The following MACC1 variants were observed in gnomAD, a reference collection of about 807,000 sequenced individuals.
The protein encoded by MACC1 is metastasis-associated in colon cancer protein 1.
Under a neutral mutation model 70.7 loss-of-function variants are expected in MACC1, and 79 were observed. The ratio of observed to expected loss-of-function variants is 1.12; its 90% CI spans 0.93 to 1.35. MACC1 has a LOEUF of 1.35. MACC1 is among the 40% of genes most tolerant of loss of function. MACC1 has a pLI of 0.00. For synonymous variants in MACC1, 361 were observed against 347.2 expected (o/e 1.04, Z -0.44); for missense variants, 1,106 against 978.1 (o/e 1.13, Z -1.74).
intron 1 of MACC1, among the ~76,000 whole-genome samples, chr7:20,209,139 G>A (rs1020224975): frequency 1.3e-5 from 2 of 152,232 alleles, no homozygotes; most frequent in Non-Finnish European, 2.9e-5. Flanking sequence ...TACTAGGGCA[G>A]GGAAGAAGGG....
chr7:20,139,180 A>G lies in MACC1; in HGVS notation c.*1766T>C, dbSNP rs1370432229. 1.3e-5 allele frequency: 2 copies of G among 152,156 alleles called. No individual in the cohort carries two copies. The highest frequency in any genetic ancestry group is 4.8e-5 in the African/African-American group (2 of 41,434). 9.4% of individuals were successfully genotyped at this position (152,156 alleles called of 1,614,324 possible). A position where few individuals can be genotyped will look rare whatever the true frequency, so the allele number is the denominator to read the frequency against. ...TTCTTTCTAAATTCTAGCAGCCTTA[A>G]TGGCCCTAATGTGGCTTCTTCTTGC... On this transcript the variant is annotated 3_prime_UTR_variant, in exon 7 of 7. Coordinates refer to ENST00000400331, the MANE Select transcript of MACC1 (RefSeq NM_182762.4).
At chr7:20,148,773 T>C (rs911146158) in intron 6 of MACC1, among the ~76,000 whole-genome samples, 4 of 152,216 alleles carry the variant, frequency 2.6e-5, no homozygotes, top group Non-Finnish European at 5.9e-5. Flanking sequence ...ATCTAAATTG[T>C]ACAAAGTAGA....
At position 20,202,011 on chromosome 7, in the gene MACC1, T is replaced by A. The variant is rs181921913; in HGVS notation, c.-218+15288A>T. 2.3e-4 allele frequency among the ~76,000 whole-genome samples: 35 copies of A among 152,306 alleles called. No individual in the cohort carries two copies. In the East Asian group the frequency reaches 5.4e-3, roughly 23 times the overall value. ...TGTTTTTCCCACACACTCCTAGGTG[T>A]TTAGTGTGAATAAATATTTTATTAT... On this transcript the variant is annotated intron_variant, in intron 1 of 6. Coordinates refer to ENST00000400331, the MANE Select transcript of MACC1 (RefSeq NM_182762.4).
At chr7:20,212,359 T>C (rs952312433) in intron 1 of MACC1, among the ~76,000 whole-genome samples, 1 of 152,210 alleles carries the variant, frequency 6.6e-6, no homozygotes, top group South Asian at 2.1e-4. Flanking sequence ...GAGATGAAGA[T>C]GTTTCTGTTT....
At chr7:20,169,736 T>C (rs1234942031) in intron 2 of MACC1, among the ~76,000 whole-genome samples, 1 of 152,236 alleles carries the variant, frequency 6.6e-6, no homozygotes, top group Non-Finnish European at 1.5e-5. Flanking sequence ...ACTGAACATT[T>C]CTGGAACTCT....
chr7:20,158,091 T>C, intron 5 of MACC1, 113 bp downstream of exon 5: 1 of 1,302,016 alleles, frequency 7.7e-7, no homozygotes, highest in Non-Finnish European at 1.0e-6. Flanking sequence ...CTTTAATGTA[T>C]TTAAGACTGT....
intron 1 of MACC1, chr7:20,184,963 C>T (rs376709406): frequency 5.9e-5 from 9 of 152,174 alleles, no homozygotes; most frequent in South Asian, 4.1e-4. Context: ...GTCTTAGAGA[C>T]GAGAATATTC....
intron 4 of MACC1, 44 bp from the exon 5 acceptor site, chr7:20,160,289 C>T: frequency 2.7e-6 from 4 of 1,498,876 alleles, no homozygotes; most frequent in Non-Finnish European, 3.5e-6. Context: ...GATAAGGTGG[C>T]ACTGTGAGTT....
intron 6 of MACC1, among the ~76,000 whole-genome samples, chr7:20,149,255 G>C (rs944807296): frequency 6.6e-6 from 1 of 151,762 alleles, no homozygotes; most frequent in Non-Finnish European, 1.5e-5. Context: ...TCTTCCTATA[G>C]GCACTCTCAG....
chr7:20,159,619 C>G lies in MACC1; in HGVS notation c.742G>C (p.Glu248Gln), dbSNP rs754365603. Residue 248 changes from glutamate to glutamine, a missense_variant, in exon 5 of 7, where the codon GAG (glutamate) becomes CAG (glutamine). By Grantham distance (29) the Glu-to-Gln change is conservative. Coordinates refer to ENST00000400331, the MANE Select transcript of MACC1 (RefSeq NM_182762.4). ...TCAAGGAAAGCCCTTAGAGACACCT[C>G]TTGGAATTCTCCCACAGCCACATGA... ...QGHVAVGEFQ[E>Q]VSLRAFLDPP... is the part of the protein sequence containing the mutation. 5 of 1,613,904 alleles carry G rather than the reference C, an allele frequency of 3.1e-6. No individual in the cohort carries two copies. The East Asian group carries it at 1.1e-4, about 36-fold the overall frequency.
rs150032403 is a variant in MACC1, at chr7:20,154,271, C to G, written c.2268G>C (p.Lys756Asn). ...TTTGTTGCTTTGTGAGTCGTACTAA[C>G]TTTTCAGCTAGTTCCCTCCAGCCTT... ...LGKGWRELAE[K>N]LVRLTKQQME... The change falls in exon 6 of 7, where the codon AAG (lysine) becomes AAC (asparagine). Residue 756 changes from lysine (K) to asparagine (N), a missense_variant. Transcript: ENST00000400331. The G allele has an allele frequency of 2.6e-4, 425 of 1,613,844 alleles. No homozygotes were observed. The highest frequency in any genetic ancestry group is 3.5e-4 in the Non-Finnish European group (410 of 1,179,920).
At chr7:20,167,021 A>T (rs556132565) in intron 2 of MACC1, among the ~76,000 whole-genome samples, 1 of 152,282 alleles carries the variant, frequency 6.6e-6, no homozygotes, top group African/African-American at 2.4e-5. Flanking sequence ...AGATACACAA[A>T]AGGAATATCT....
At chr7:20,151,076 G>A (rs576775408) in intron 6 of MACC1, among the ~76,000 whole-genome samples, 5 of 151,552 alleles carry the variant, frequency 3.3e-5, no homozygotes, top group African/African-American at 1.2e-4. Context: ...AAAAAGAAAG[G>A]AAGTGAAACT....
intron 6 of MACC1, among the ~76,000 whole-genome samples, chr7:20,145,926 G>C (rs938331171): frequency 6.6e-6 from 1 of 152,146 alleles, no homozygotes; most frequent in Non-Finnish European, 1.5e-5. Flanking sequence ...TCTTTGGGAG[G>C]CTGAGGTGGG....
At chr7:20,164,965 G>C (rs143457427) in intron 2 of MACC1, among the ~76,000 whole-genome samples, 225 of 151,518 alleles carry the variant, frequency 1.5e-3, no homozygotes, top group African/African-American at 5.0e-3. Context: ...AATAACCGTT[G>C]ATATGAAAAA....
rs576521310 is a variant in MACC1 at position 20,158,347 on chromosome 7, C to G, written c.2014G>C (p.Gly672Arg). The G allele has an allele frequency of 7.4e-6, 12 of 1,613,784 alleles. No homozygotes were observed. The highest frequency in any genetic ancestry group is 2.2e-5 in the East Asian group (1 of 44,850). ...YDWKVLADVL[G>R]YSHLSLEDFD... ...TCTTCCAGGGACAGATGTGAGTAAC[C>G]CAGGACATCAGCTAAAACTTTCCAA... Residue 672 changes from glycine to arginine, a missense_variant, in exon 5 of 7, where the codon GGT becomes CGT. Gly to Arg is a moderately radical substitution (Grantham distance 125, BLOSUM62 -2). Coordinates refer to ENST00000400331, the MANE Select transcript of MACC1 (RefSeq NM_182762.4).
At chr7:20,157,503 G>GA (rs1337954199) in intron 5 of MACC1, among the ~76,000 whole-genome samples, 1 of 151,596 alleles carries the variant, frequency 6.6e-6, no homozygotes, top group Non-Finnish European at 1.5e-5. Context: ...AAAAGAAACA[G>GA]CCAGGTGTGG....
rs1781706089 is a variant in MACC1, at chr7:20,135,382, T to C, written c.*5564A>G. 6.6e-6 allele frequency: 1 copy of C among 152,220 alleles called. No individual in the cohort carries two copies. Among genetic ancestry groups the C allele is most frequent in the Admixed American group, 6.5e-5 (1 of 15,278 alleles). The allele number at this position is 152,220 out of a possible 1,614,324, so 9.4% of individuals were successfully genotyped here. A position where few individuals can be genotyped will look rare whatever the true frequency, so the allele number is the denominator to read the frequency against. On this transcript the variant is annotated 3_prime_UTR_variant, in exon 7 of 7. Transcript: ENST00000400331. ...TAACATAAAGTGATTTTCGGTTCTT[T>C]AGCACAATTTTTAAAACAATTTCTC...
chr7:20,161,951 G>T, intron 3 of MACC1, 81 bp from the exon 4 acceptor site: 2 of 820,872 alleles, frequency 2.4e-6, no homozygotes, highest in South Asian at 1.5e-5. Context: ...GACATCATAC[G>T]TATTTCTATA....
Sources: gnomAD v4.1 joint callset for allele counts (sites outside exome capture counted in the v4.1 genomes callset) on GRCh38, gnomAD v4.1.1 for gene constraint, MANE v1.5 for transcripts, NCBI Gene and HGNC (gene_info 2026-07-23, HGNC 2026-07-21) for gene names.